Variants in DDX46 observed in about 807,000 individuals in gnomAD.
DDX46 encodes DEAD-box helicase 46.
A neutral mutation model predicts 134.9 loss-of-function variants in DDX46; 30 were observed. That is an observed-to-expected ratio of 0.22 (90% CI 0.17 to 0.30). The LOEUF (loss-of-function observed/expected upper bound fraction) is 0.30. Among genes scored for constraint, DDX46 ranks in the 10% least tolerant of loss-of-function variants. The pLI is 1.00. For synonymous variants in DDX46, 415 were observed against 404.1 expected (o/e 1.03, Z -0.32); for missense variants, 622 against 1,248.7 (o/e 0.50, Z 7.56).
intron 7 of DDX46, among the ~76,000 whole-genome samples, chr5:134,781,593 G>C (rs1346303952): frequency 9.9e-5 from 15 of 152,130 alleles, no homozygotes; most frequent in Admixed American, 9.2e-4. Flanking sequence ...TATTAGAGCT[G>C]TCTCTGATGA....
At chr5:134,810,923 T>C (rs1359880075) in intron 16 of DDX46, among the ~76,000 whole-genome samples, 3 of 151,908 alleles carry the variant, frequency 2.0e-5, no homozygotes, top group Admixed American at 6.6e-5. Flanking sequence ...GGAGAATCAC[T>C]TGAACCCGGG....
At chr5:134,771,445 C>T (rs1402603187) in intron 4 of DDX46, among the ~76,000 whole-genome samples, 2 of 140,916 alleles carry the variant, frequency 1.4e-5, no homozygotes, top group Admixed American at 1.4e-4. Context: ...GTAATCCCAG[C>T]ACTTTGGGAG....
In DDX46 at chr5:134,830,297, C is replaced by T. The variant is rs1265598700; in HGVS notation, c.*1591C>T. On this transcript the variant is annotated 3_prime_UTR_variant, in exon 23 of 23. Transcript: ENST00000452510. The stretch of plus-strand genomic sequence containing the variant: ...TAATTTAAAGGTTACAGTATACAGG[C>T]GGTTAAAGTATACAGGAGGATGTGC... 2 of 151,722 alleles carry T rather than the reference C, an allele frequency of 1.3e-5. No homozygotes were observed. The highest frequency in any genetic ancestry group is 2.4e-5 in the African/African-American group (1 of 41,322). The allele number at this position is 151,722 out of a possible 1,614,324, so 9.4% of individuals were successfully genotyped here. A position where few individuals can be genotyped will look rare whatever the true frequency, so the allele number is the denominator to read the frequency against.
At chr5:134,791,694 T>C (rs893116363) in intron 13 of DDX46, among the ~76,000 whole-genome samples, 1 of 152,208 alleles carries the variant, frequency 6.6e-6, no homozygotes, top group African/African-American at 2.4e-5. Context: ...GGAAAAGGGA[T>C]AAGGCAAATG....
intron 2 of DDX46, 63 bp from the exon 3 acceptor site, chr5:134,766,854 C>A: frequency 1.3e-6 from 2 of 1,535,846 alleles, no homozygotes; most frequent in Non-Finnish European, 1.8e-6. Context: ...GGGACAGAAT[C>A]CCCTGATCTG....
chr5:134,772,219 C>T (rs568337882), intron 4 of DDX46, among the ~76,000 whole-genome samples: 2 of 147,536 alleles, frequency 1.4e-5, no homozygotes, highest in Non-Finnish European at 1.5e-5. Context: ...GCAACAAGAG[C>T]GAAACTCTGT....
chr5:134,763,132 T>C (rs1034955007), intron 1 of DDX46, among the ~76,000 whole-genome samples: 5 of 152,082 alleles, frequency 3.3e-5, no homozygotes, highest in Non-Finnish European at 7.4e-5. Context: ...CTTGGGAGGC[T>C]GAAGTGGGAG....
At chr5:134,786,609 C>A (rs939587684) in intron 11 of DDX46, among the ~76,000 whole-genome samples, 3 of 152,098 alleles carry the variant, frequency 2.0e-5, no homozygotes, top group African/African-American at 7.2e-5. Flanking sequence ...CTTTGAGAGG[C>A]CGAAGCGGGT....
At chr5:134,808,416 A>G (rs1371686117) in intron 16 of DDX46, among the ~76,000 whole-genome samples, 5 of 152,188 alleles carry the variant, frequency 3.3e-5, no homozygotes, top group African/African-American at 1.2e-4. Context: ...TGAATATCTC[A>G]TGTAATTTAC....
chr5:134,811,135 A>T, intron 16 of DDX46, 86 bp from the exon 17 acceptor site: 1 of 1,200,902 alleles, frequency 8.3e-7, no homozygotes, highest in Non-Finnish European at 1.1e-6. Context: ...TCGAGGATTT[A>T]TTAGGTGGAT....
intron 21 of DDX46, chr5:134,826,305 A>G (rs1451205008): frequency 6.6e-6 from 1 of 152,168 alleles, no homozygotes; most frequent in African/African-American, 2.4e-5. Flanking sequence ...GAAATTGATA[A>G]CTGTGAATGA....
At chr5:134,819,751 C>A (rs1048549619) in intron 21 of DDX46, among the ~76,000 whole-genome samples, 15 of 151,552 alleles carry the variant, frequency 9.9e-5, no homozygotes, top group Non-Finnish European at 1.6e-4. Flanking sequence ...CCAGGCTGGT[C>A]TCCAACTCCT....
At chr5:134,790,081 T>A (rs1174447599) in intron 12 of DDX46, 1 of 460,376 alleles carries the variant, frequency 2.2e-6, no homozygotes, top group East Asian at 6.8e-5. Context: ...ACATACGCTG[T>A]AATCTCTAAT....
chr5:134,769,027 C>T (rs1753672665), intron 3 of DDX46, among the ~76,000 whole-genome samples: 1 of 152,128 alleles, frequency 6.6e-6, no homozygotes, highest in South Asian at 2.1e-4. Flanking sequence ...CACTGCACTC[C>T]AGCCTGGCCG....
In DDX46 at chr5:134,773,692, C is replaced by T. The variant is rs768077610; in HGVS notation, c.448-4C>T. Reference sequence around the variant, plus strand: ...CATCTCTTTCTTTCTTTTATTCCCCCAAGAACTTTGACCAGAATAAGCTGG... The same window carrying T: ...CATCTCTTTCTTTCTTTTATTCCCCTAAGAACTTTGACCAGAATAAGCTGG... On this transcript the variant is annotated splice_polypyrimidine_tract_variant and splice_region_variant and intron_variant, in intron 4 of 22. Coordinates refer to ENST00000452510, the MANE Select transcript of DDX46 (RefSeq NM_001300860.2). 68 of 1,579,050 alleles carry T rather than the reference C, an allele frequency of 4.3e-5. No homozygotes were observed. In the Middle Eastern group the frequency reaches 6.8e-4, roughly 16 times the overall value.
chr5:134,824,196 A>G (rs960905733), intron 21 of DDX46, among the ~76,000 whole-genome samples: 17 of 152,162 alleles, frequency 1.1e-4, no homozygotes, highest in East Asian at 5.8e-4. Context: ...TCCACTGTCA[A>G]TTTACACTCA....
chr5:134,775,033 C>T (rs1043824070), intron 5 of DDX46, among the ~76,000 whole-genome samples: 8 of 151,856 alleles, frequency 5.3e-5, no homozygotes, highest in African/African-American at 1.7e-4. Context: ...TTGGCCAGGC[C>T]GGTCTTGAAC....
At position 134,830,179 on chromosome 5, in the gene DDX46, A is replaced by G. The variant is rs906788302; in HGVS notation, c.*1473A>G. The G allele has an allele frequency of 1.3e-5, 2 of 151,598 alleles. No homozygotes were observed. The highest frequency in any genetic ancestry group is 4.8e-5 in the African/African-American group (2 of 41,408). 9.4% of individuals were successfully genotyped at this position (151,598 alleles called of 1,614,324 possible). ...CACAGATCAAAAATAGAAAAAAAAAAAAAAAGAAAAAAAGAATGTAAAATT... is the reference window on the plus strand; with the variant it reads ...CACAGATCAAAAATAGAAAAAAAAAGAAAAAGAAAAAAAGAATGTAAAATT... On this transcript the variant is annotated 3_prime_UTR_variant, in exon 23 of 23. Coordinates refer to ENST00000452510, the MANE Select transcript of DDX46 (RefSeq NM_001300860.2).
chr5:134,782,177 G>A, intron 8 of DDX46, 91 bp downstream of exon 8: 1 of 1,268,342 alleles, frequency 7.9e-7, no homozygotes, highest in Non-Finnish European at 1.1e-6. Context: ...AGTGTCTCAT[G>A]AAGGAGGGTG....
Sources: gnomAD v4.1 joint callset for allele counts (sites outside exome capture counted in the v4.1 genomes callset) on GRCh38, gnomAD v4.1.1 for gene constraint, MANE v1.5 for transcripts, NCBI Gene and HGNC (gene_info 2026-07-23, HGNC 2026-07-21) for gene names.